ANKHD1: variants seen among roughly 807,000 people sequenced by gnomAD.
The protein encoded by ANKHD1 is ankyrin repeat and KH domain containing 1.
A neutral mutation model predicts 230.5 loss-of-function variants in ANKHD1; 31 were observed. The observed-to-expected ratio is 0.13, with a 90% CI of 0.10 to 0.18. The LOEUF is 0.18. Ranked by LOEUF, ANKHD1 falls within the 10% of genes least tolerant of loss-of-function variation. The pLI is 1.00. For synonymous variants in ANKHD1, 1,074 were observed against 1,117.6 expected, an observed-to-expected ratio of 0.96 and a Z score of 0.78; for missense variants, 2,256 against 3,071.3, an observed-to-expected ratio of 0.73 and a Z score of 6.27.
At chr5:140,407,811 C>T (rs1463566615) in intron 1 of ANKHD1, among the ~76,000 whole-genome samples, 2 of 151,954 alleles carry the variant, frequency 1.3e-5, no homozygotes, top group East Asian at 1.9e-4. Context: ...CAATTTTTGT[C>T]GTAAGAATGA....
At chr5:140,495,434 A>T (rs1345578120) in intron 14 of ANKHD1, among the ~76,000 whole-genome samples, 1 of 151,362 alleles carries the variant, frequency 6.6e-6, no homozygotes, top group Non-Finnish European at 1.5e-5. Flanking sequence ...TTTAGTAGAG[A>T]CGGGGTTTCA....
chr5:140,427,800 AG>A (rs1481823062), intron 1 of ANKHD1, among the ~76,000 whole-genome samples: 3 of 147,032 alleles, frequency 2.0e-5, no homozygotes, highest in African/African-American at 7.6e-5. Context: ...CCTCCCGGAC[AG>A]GGTGGCTGCC....
chr5:140,405,394 A>G (rs1770355283), intron 1 of ANKHD1, among the ~76,000 whole-genome samples: 1 of 152,052 alleles, frequency 6.6e-6, no homozygotes, highest in East Asian at 1.9e-4. Context: ...TCTAGTCTTT[A>G]TAGTATGTGT....
intron 9 of ANKHD1, among the ~76,000 whole-genome samples, chr5:140,460,332 C>CT (rs1398760583): frequency 1.3e-5 from 2 of 151,240 alleles, no homozygotes; most frequent in Non-Finnish European, 2.9e-5. Context: ...TCAGATTTTT[C>CT]TTTTTTACCA....
chr5:140,509,146 C>G (rs541500736), intron 20 of ANKHD1, among the ~76,000 whole-genome samples: 1 of 152,212 alleles, frequency 6.6e-6, no homozygotes, highest in East Asian at 1.9e-4. Context: ...TTCAATTTGT[C>G]TTTTTCTATT....
At chr5:140,531,594 A>G (rs953758463) in intron 29 of ANKHD1, among the ~76,000 whole-genome samples, 2 of 152,092 alleles carry the variant, frequency 1.3e-5, no homozygotes, top group African/African-American at 4.8e-5. Flanking sequence ...AAAAAAAAGT[A>G]GTAATACTTA....
intron 6 of ANKHD1, among the ~76,000 whole-genome samples, chr5:140,447,968 C>T (rs970610304): frequency 6.6e-6 from 1 of 152,120 alleles, no homozygotes; most frequent in African/African-American, 2.4e-5. Context: ...CCAGATGAAA[C>T]TGGAGTTCTA....
intron 24 of ANKHD1, among the ~76,000 whole-genome samples, chr5:140,522,408 A>G (rs560364318): frequency 6.6e-6 from 1 of 152,326 alleles, no homozygotes; most frequent in African/African-American, 2.4e-5. Flanking sequence ...CTTGGCAATT[A>G]TAAACAATGC....
At chr5:140,509,952 TAGAGA>T in intron 21 of ANKHD1, 62 bp from the exon 22 acceptor site, 1 of 1,550,036 alleles carries the variant, frequency 6.5e-7, no homozygotes, top group Non-Finnish European at 8.7e-7. Context: ...AAGAAGAAGA[TAGAGA>T]AAACTAGAAA....
intron 5 of ANKHD1, 120 bp from the exon 6 acceptor site, chr5:140,445,622 C>A: frequency 1.0e-6 from 1 of 963,098 alleles, no homozygotes; most frequent in Non-Finnish European, 1.4e-6. Context: ...AGAGCATTAG[C>A]ATAATCATAA....
intron 3 of ANKHD1, among the ~76,000 whole-genome samples, chr5:140,439,694 A>G (rs980918760): frequency 6.6e-6 from 1 of 152,064 alleles, no homozygotes; most frequent in Non-Finnish European, 1.5e-5. Flanking sequence ...ACAAAATACA[A>G]ACACTAATGA....
In ANKHD1 at chr5:140,441,111, T is replaced by C. The variant is rs534783218; in HGVS notation, c.882T>C (p.His294=). The change falls in exon 5 of 34, where the codon CAT becomes CAC. Residue 294 remains histidine (H), a synonymous_variant. Transcript: ENST00000360839. ...ATATTGTGAAATTATTACTTCTTCA[T>C]GATGCTGATGTCAACTCCCAGTCTG... is the stretch of plus-strand genomic sequence containing the variant. The part of the protein sequence containing the change: ...YLDIVKLLLL[H]DADVNSQSAT... 13 of 1,607,080 alleles carry C rather than the reference T, an allele frequency of 8.1e-6. No individual in the cohort carries two copies. In the East Asian group the frequency reaches 2.7e-4, roughly 33 times the overall value.
At chr5:140,523,100 TC>T (rs1753430030) in intron 24 of ANKHD1, among the ~76,000 whole-genome samples, 12 of 150,494 alleles carry the variant, frequency 8.0e-5, no homozygotes, top group African/African-American at 1.2e-4. Flanking sequence ...TTAATTTTTT[TC>T]TTTTTCCTTT....
At chr5:140,515,278 C>T (rs1436565145) in intron 24 of ANKHD1, among the ~76,000 whole-genome samples, 1 of 150,342 alleles carries the variant, frequency 6.7e-6, no homozygotes, top group Non-Finnish European at 1.5e-5. Flanking sequence ...ATTCTGTCCC[C>T]CCAAAAAAAA....
intron 23 of ANKHD1, 120 bp downstream of exon 23, chr5:140,513,043 C>T (rs540120283): frequency 1.5e-4 from 146 of 978,086 alleles, no homozygotes; most frequent in Admixed American, 2.2e-4. Flanking sequence ...TCTCTTTATG[C>T]GTTTGTTTCT....
At chr5:140,483,215 A>G (rs1296487798) in intron 11 of ANKHD1, among the ~76,000 whole-genome samples, 3 of 152,182 alleles carry the variant, frequency 2.0e-5, no homozygotes, top group Non-Finnish European at 2.9e-5. Context: ...TTAACCGTAT[A>G]TAATTGTCAT....
chr5:140,457,297 G>A (rs1186503216), intron 7 of ANKHD1, among the ~76,000 whole-genome samples: 3 of 152,304 alleles, frequency 2.0e-5, no homozygotes, highest in Non-Finnish European at 4.4e-5. Flanking sequence ...ACAGTGTGGC[G>A]ATTCCTCAAG....
intron 24 of ANKHD1, among the ~76,000 whole-genome samples, chr5:140,518,525 T>G (rs1753157512): frequency 6.6e-6 from 1 of 150,582 alleles, no homozygotes; most frequent in Admixed American, 6.6e-5. Context: ...TGAACATTGA[T>G]GCAAAAATCC....
chr5:140,410,385 A>G (rs1770832696), intron 1 of ANKHD1, among the ~76,000 whole-genome samples: 1 of 152,216 alleles, frequency 6.6e-6, no homozygotes, highest in East Asian at 1.9e-4. Context: ...ATTTGTTAGT[A>G]GAGTGCTGAT....
Sources: gnomAD v4.1 joint callset for allele counts (sites outside exome capture counted in the v4.1 genomes callset) on GRCh38, gnomAD v4.1.1 for gene constraint, MANE v1.5 for transcripts, NCBI Gene and HGNC (gene_info 2026-07-23, HGNC 2026-07-21) for gene names.